REEP5: variants seen among roughly 807,000 people sequenced by gnomAD.
REEP5 encodes the protein receptor expression-enhancing protein 5.
In REEP5, 24 loss-of-function variants were observed where a neutral mutation model predicts 22.4. That is an observed-to-expected ratio of 1.07 (90% confidence interval 0.78 to 1.51). The LOEUF is 1.51. Ranked by LOEUF, REEP5 falls within the 40% of genes most tolerant of loss-of-function variation. REEP5 has a pLI of 0.00. For synonymous variants in REEP5, 103 were observed against 88.6 expected, an observed-to-expected ratio of 1.16 and a Z score of -0.92; for missense variants, 252 against 233.0, an observed-to-expected ratio of 1.08 and a Z score of -0.53.
At chr5:112,901,475 G>A (rs1381561486) in intron 3 of REEP5, among the ~76,000 whole-genome samples, 3 of 152,112 alleles carry the variant, frequency 2.0e-5, no homozygotes, top group South Asian at 2.1e-4. Flanking sequence ...TTGGGAGGCC[G>A]AGGTGGGTGG....
chr5:112,880,154 T>A (rs1490026160), intron 4 of REEP5, among the ~76,000 whole-genome samples: 1 of 152,150 alleles, frequency 6.6e-6, no homozygotes, highest in Admixed American at 6.6e-5. Context: ...CTCATGTCTA[T>A]AATCCCAGAG....
At chr5:112,912,078 G>GCCT (rs1212195303) in intron 2 of REEP5, among the ~76,000 whole-genome samples, 1 of 152,098 alleles carries the variant, frequency 6.6e-6, no homozygotes, top group Non-Finnish European at 1.5e-5. Flanking sequence ...CTTACAGAAT[G>GCCT]CCTGATTTGT....
intron 2 of REEP5, among the ~76,000 whole-genome samples, chr5:112,908,263 G>A (rs572873676): frequency 4.0e-5 from 6 of 151,632 alleles, no homozygotes; most frequent in South Asian, 2.1e-4. Context: ...ACCACGCCCC[G>A]CTAGTTTTTT....
At chr5:112,890,587 G>A (rs947465667) in intron 3 of REEP5, among the ~76,000 whole-genome samples, 7 of 149,296 alleles carry the variant, frequency 4.7e-5, no homozygotes, top group East Asian at 2.1e-4. Context: ...CATGTTGGCC[G>A]GGCTGGTCTC....
intron 2 of REEP5, among the ~76,000 whole-genome samples, chr5:112,905,210 C>A (rs917401637): frequency 6.6e-6 from 1 of 152,024 alleles, no homozygotes; most frequent in Non-Finnish European, 1.5e-5. Context: ...AGTGAAGTGC[C>A]CCATGTAGTC....
chr5:112,907,152 G>C (rs1768974323), intron 2 of REEP5, among the ~76,000 whole-genome samples: 2 of 152,144 alleles, frequency 1.3e-5, no homozygotes, highest in African/African-American at 4.8e-5. Context: ...AGCCTGCACA[G>C]CTAACCCCTA....
chr5:112,889,828 A>T (rs1768378454), intron 3 of REEP5, among the ~76,000 whole-genome samples: 1 of 129,692 alleles, frequency 7.7e-6, no homozygotes. Flanking sequence ...GGAAAAAAAA[A>T]ATTTTTTTTT....
intron 2 of REEP5, among the ~76,000 whole-genome samples, chr5:112,920,048 G>A (rs1055118132): frequency 6.6e-6 from 1 of 152,130 alleles, no homozygotes; most frequent in Admixed American, 6.5e-5. Flanking sequence ...ACACAATCCC[G>A]TTTTTCCTTG....
chr5:112,889,788 C>T (rs1356805526), intron 3 of REEP5, among the ~76,000 whole-genome samples: 1 of 149,534 alleles, frequency 6.7e-6, no homozygotes, highest in Non-Finnish European at 1.5e-5. Context: ...TTGAGACTAG[C>T]CTGTGTAACA....
chr5:112,909,508 C>G (rs1308080013), intron 2 of REEP5, among the ~76,000 whole-genome samples: 1 of 151,980 alleles, frequency 6.6e-6, no homozygotes, highest in Non-Finnish European at 1.5e-5. Flanking sequence ...TACCCTACTC[C>G]AAATCCCATA....
At chr5:112,908,173 T>G (rs574709082) in intron 2 of REEP5, among the ~76,000 whole-genome samples, 278 of 147,018 alleles carry the variant, frequency 1.9e-3, no homozygotes, top group Non-Finnish European at 3.5e-3. Flanking sequence ...CGATCTCGGC[T>G]CACTGCAACC....
chr5:112,902,216 TTG>T (rs377366723), intron 3 of REEP5, among the ~76,000 whole-genome samples, 162 bp downstream of exon 3: 5,379 of 96,154 alleles, frequency 0.056, 236 homozygotes, highest in African/African-American at 0.22. Context: ...GAGCATTTTT[TTG>T]TTTTTGTTTT....
At chr5:112,878,914 A>G (rs1208681811) in intron 4 of REEP5, 79 bp from the exon 5 acceptor site, 2 of 1,606,196 alleles carry the variant, frequency 1.2e-6, no homozygotes, top group South Asian at 1.1e-5. Flanking sequence ...TTTGTGCCTA[A>G]TGTAGCTACT....
intron 2 of REEP5, among the ~76,000 whole-genome samples, chr5:112,913,320 C>A (rs78041195): frequency 3.1e-4 from 37 of 118,372 alleles, no homozygotes; most frequent in Middle Eastern, 7.6e-3. Context: ...GAAAGAAAGA[C>A]AGACAGACAG....
Position 112,887,144 on chromosome 5 carries a change from T to A in REEP5, c.391A>T (p.Asn131Tyr). Reference sequence around the variant, plus strand: ...CGCTTGTAGAGCAGTTCAGCCCCATTAGAAGGGCTCGGGGCCATGCACCAC... The same window carrying A: ...CGCTTGTAGAGCAGTTCAGCCCCATAAGAAGGGCTCGGGGCCATGCACCAC... Reference protein sequence around the residue: ...LLWCMAPSPSNGAELLYKRII... With the variant: ...LLWCMAPSPSYGAELLYKRII... Residue 131 changes from asparagine (N) to tyrosine (Y), a missense_variant, in exon 4 of 5, where the codon AAT (asparagine) becomes TAT (tyrosine). Transcript: ENST00000379638. 6.2e-7 allele frequency: 1 copy of A among 1,611,370 alleles called. No homozygotes were observed. The highest frequency in any genetic ancestry group is 8.5e-7 in the Non-Finnish European group (1 of 1,178,646).
intron 3 of REEP5, chr5:112,891,903 A>C (rs766789334): frequency 3.8e-6 from 5 of 1,314,100 alleles, no homozygotes; most frequent in Non-Finnish European, 3.3e-6. Context: ...AGAAGGCACA[A>C]GAAGAATTCA....
chr5:112,907,934 A>T (rs1768992147), intron 2 of REEP5, among the ~76,000 whole-genome samples: 1 of 152,228 alleles, frequency 6.6e-6, no homozygotes, highest in African/African-American at 2.4e-5. Context: ...AATGATATCC[A>T]GAAAGATATG....
intron 2 of REEP5, among the ~76,000 whole-genome samples, chr5:112,917,183 C>T (rs1219404417): frequency 1.3e-5 from 2 of 152,242 alleles, no homozygotes; most frequent in African/African-American, 4.8e-5. Context: ...CCCCAAAGTG[C>T]TGAGATTACA....
At chr5:112,904,696 A>G (rs1768917518) in intron 2 of REEP5, among the ~76,000 whole-genome samples, 1 of 152,242 alleles carries the variant, frequency 6.6e-6, no homozygotes, top group Non-Finnish European at 1.5e-5. Flanking sequence ...ACATAAAAAT[A>G]TAAACTTAAA....
Sources: allele counts gnomAD v4.1 joint callset (sites outside exome capture counted in the v4.1 genomes callset), GRCh38; gene constraint gnomAD v4.1.1; transcripts MANE v1.5; gene names NCBI Gene and HGNC (gene_info 2026-07-23, HGNC 2026-07-21).